The following ISCU variants were observed in gnomAD, a reference collection of about 807,000 sequenced individuals.
The protein encoded by ISCU is iron-sulfur cluster assembly enzyme ISCU.
ISCU carries 13 observed loss-of-function variants against 18.4 expected under a neutral mutation model. The observed-to-expected ratio is 0.71, with a 90% CI of 0.46 to 1.12. The LOEUF (loss-of-function observed/expected upper bound fraction) is 1.12. Ranked by LOEUF, ISCU falls within the 50% of genes most tolerant of loss-of-function variation. ISCU has a pLI of 0.00. For missense variants in ISCU, 229 were observed against 208.7 expected (o/e 1.10, Z -0.60); for synonymous variants, 104 against 87.5 (o/e 1.19, Z -1.06).
Position 108,564,408 on chromosome 12 carries a change from T to A in ISCU, c.228+16T>A. 1 of 1,513,820 alleles carries A rather than the reference T, an allele frequency of 6.6e-7. No homozygotes were observed. Among genetic ancestry groups the A allele is most frequent in the Non-Finnish European group, 9.2e-7 (1 of 1,088,398 alleles). 93.8% of individuals were successfully genotyped at this position (1,513,820 alleles called of 1,614,324 possible). On this transcript the variant is annotated intron_variant, in intron 2 of 4. Transcript: ENST00000311893. ...GAAATTACAGGTATGGCTAGTCTTT[T>A]TTAATAGTGATAACAATAATCCCTT...
At position 108,564,180 on chromosome 12, in the gene ISCU, C is replaced by T. The variant is rs1457255769; in HGVS notation, c.115-99C>T. 3.2e-6 allele frequency: 5 copies of T among 1,581,062 alleles called. No individual in the cohort carries two copies. In the African/African-American group the frequency reaches 4.0e-5, roughly 13 times the overall value. Reference sequence around the variant, plus strand: ...GGTGAAATTTGGTATTTAGTGATTGCCTGCCAGGTTCAAGATGCTGACCGA... The same window carrying T: ...GGTGAAATTTGGTATTTAGTGATTGTCTGCCAGGTTCAAGATGCTGACCGA... On this transcript the variant is annotated intron_variant, in intron 1 of 4. Transcript: ENST00000311893.
chr12:108,567,921 G>A (rs2030978060), intron 4 of ISCU: 2 of 1,403,046 alleles, frequency 1.4e-6, no homozygotes, highest in South Asian at 2.5e-5. Flanking sequence ...CCTTCTCAGG[G>A]AAAGAAGGAA....
intron 4 of ISCU, chr12:108,568,579 C>T: frequency 7.3e-7 from 1 of 1,371,158 alleles, no homozygotes; most frequent in Non-Finnish European, 9.4e-7. Context: ...AAAGTAGGGT[C>T]AAAGAGGCTA....
chr12:108,564,097 A>G, intron 1 of ISCU, 182 bp from the exon 2 acceptor site: 1 of 1,613,056 alleles, frequency 6.2e-7, no homozygotes, highest in Non-Finnish European at 8.5e-7. Context: ...AGGAGACACA[A>G]AAGGAATTGG....
At chr12:108,565,486 T>A in intron 3 of ISCU, 55 bp downstream of exon 3, 1 of 1,196,650 alleles carries the variant, frequency 8.4e-7, no homozygotes, top group Non-Finnish European at 1.2e-6. Flanking sequence ...GACTTTTTTT[T>A]AATATTCTAA....
At chr12:108,568,599 C>A in intron 4 of ISCU, 1 of 1,402,878 alleles carries the variant, frequency 7.1e-7, no homozygotes, top group Non-Finnish European at 9.3e-7. Context: ...AAGGAACTAG[C>A]CTGGGATCAC....
intron 1 of ISCU, chr12:108,563,884 A>G (rs1183860023): frequency 4.8e-6 from 3 of 623,056 alleles, no homozygotes; most frequent in Admixed American, 5.1e-5. Flanking sequence ...TCCCTGGGCC[A>G]TGGTTATTTT....
intron 1 of ISCU, chr12:108,563,078 G>A: frequency 1.0e-5 from 2 of 190,478 alleles, no homozygotes; most frequent in Non-Finnish European, 2.1e-5. Context: ...CAGCCACTCC[G>A]CTGCCCTGGC....
chr12:108,564,604 A>G (rs1258852406), intron 2 of ISCU, among the ~76,000 whole-genome samples: 1 of 152,234 alleles, frequency 6.6e-6, no homozygotes, highest in East Asian at 1.9e-4. Context: ...TACTATGCCA[A>G]CTTTTTCCAA....
At chr12:108,568,396 CCAAAGGG>C (rs1248286338) in intron 4 of ISCU, 48 of 1,090,514 alleles carry the variant, frequency 4.4e-5, no homozygotes, top group Non-Finnish European at 5.4e-5. Context: ...GATCTTTTTT[CCAAAGGG>C]CATGTCAACT....
intron 4 of ISCU, 164 bp from the exon 5 acceptor site, chr12:108,568,667 A>G (rs2031011305): frequency 1.4e-6 from 2 of 1,472,208 alleles, no homozygotes; most frequent in Admixed American, 2.4e-5. Flanking sequence ...CAGCTCAGGA[A>G]GCAGCTGCTG....
intron 4 of ISCU, chr12:108,567,598 C>T (rs2030960034): frequency 1.4e-6 from 2 of 1,384,230 alleles, no homozygotes; most frequent in Non-Finnish European, 2.0e-6. Flanking sequence ...GTTGAGACGC[C>T]CACATCACAT....
At chr12:108,562,026 ATAG>A (rs2030592963), upstream of ISCU, among the ~76,000 whole-genome samples, 3 of 152,254 alleles carry the variant, frequency 2.0e-5, no homozygotes, top group South Asian at 6.2e-4. Context: ...GCCTTGACAC[ATAG>A]TAGGTACTCG....
chr12:108,565,017 G>A (rs2030823721), intron 2 of ISCU: 5 of 439,770 alleles, frequency 1.1e-5, no homozygotes, highest in Non-Finnish European at 2.1e-5. Context: ...GCAGCTGTGA[G>A]CAGACTTCCA....
chr12:108,565,628 G>A (rs2030861272), intron 3 of ISCU, among the ~76,000 whole-genome samples, 197 bp downstream of exon 3: 1 of 151,944 alleles, frequency 6.6e-6, no homozygotes, highest in South Asian at 2.1e-4. Context: ...GTTTGTTTGG[G>A]TGTTAATTAC....
chr12:108,562,794 G>A, intron 1 of ISCU, 58 bp downstream of exon 1: 1 of 1,033,820 alleles, frequency 9.7e-7, no homozygotes, highest in Non-Finnish European at 1.3e-6. Flanking sequence ...GGGCTGGAGG[G>A]GCGGCCGCGG....
chr12:108,567,170 C>G lies in ISCU; in HGVS notation c.340-20C>G, dbSNP rs773646906. ...ATAAAGTGTTGCTAAAACTGCCCAT[C>G]TTTCCATTATGCCTCTCAGGTGGAG... On this transcript the variant is annotated intron_variant, in intron 3 of 4. Transcript: ENST00000311893. 6.3e-7 allele frequency: 1 copy of G among 1,599,542 alleles called. No homozygotes were observed. Among genetic ancestry groups the G allele is most frequent in the South Asian group, 1.1e-5 (1 of 90,814 alleles).
chr12:108,562,226 G>A (rs2030604777), upstream of ISCU, among the ~76,000 whole-genome samples: 1 of 152,204 alleles, frequency 6.6e-6, no homozygotes, highest in African/African-American at 2.4e-5. Flanking sequence ...GACCTTGGAC[G>A]GACTTACTAA....
chr12:108,565,294 A>G, intron 2 of ISCU, 27 bp from the exon 3 acceptor site: 1 of 1,562,250 alleles, frequency 6.4e-7, no homozygotes, highest in Non-Finnish European at 8.8e-7. Context: ...CCCAGGACTC[A>G]CCACTTAACT....
Sources: allele counts gnomAD v4.1 joint callset (sites outside exome capture counted in the v4.1 genomes callset), GRCh38; gene constraint gnomAD v4.1.1; transcripts MANE v1.5; gene names NCBI Gene and HGNC (gene_info 2026-07-23, HGNC 2026-07-21).